The following ADAMTS10 variants were observed in gnomAD, a reference collection of about 807,000 sequenced individuals.
ADAMTS10 encodes the protein A disintegrin and metalloproteinase with thrombospondin motifs 10.
In ADAMTS10, 48 loss-of-function variants were observed where a neutral mutation model predicts 135.9. The ratio of observed to expected loss-of-function variants is 0.35; its 90% CI spans 0.28 to 0.45. The LOEUF is 0.45. ADAMTS10 is among the 20% of genes least tolerant of loss of function. The pLI, the probability that ADAMTS10 is intolerant of heterozygous loss-of-function variation, is 1.00. For missense variants in ADAMTS10, 1,131 were observed against 1,565.2 expected, an observed-to-expected ratio of 0.72 and a Z score of 4.68; for synonymous variants, 621 against 647.5, an observed-to-expected ratio of 0.96 and a Z score of 0.62.
At chr19:8,607,414 G>T (rs936061064) in intron 2 of ADAMTS10, among the ~76,000 whole-genome samples, 1 of 151,992 alleles carries the variant, frequency 6.6e-6, no homozygotes, top group Non-Finnish European at 1.5e-5. Context: ...AAGCCAGCCC[G>T]CCCCGCAGGT....
chr19:8,581,513 G>A (rs1457005491), intron 25 of ADAMTS10: 2 of 152,488 alleles, frequency 1.3e-5, no homozygotes, highest in Admixed American at 6.6e-5. Context: ...AACATAGTGA[G>A]AGCACTGCAT....
At chr19:8,606,713 A>C (rs1467971562) in intron 2 of ADAMTS10, among the ~76,000 whole-genome samples, 1 of 152,130 alleles carries the variant, frequency 6.6e-6, no homozygotes, top group Non-Finnish European at 1.5e-5. Context: ...CGTGGGTCAC[A>C]TTGCTAGAAA....
intron 6 of ADAMTS10, among the ~76,000 whole-genome samples, chr19:8,598,935 G>A (rs1485760497): frequency 2.0e-5 from 3 of 152,146 alleles, no homozygotes; most frequent in African/African-American, 7.2e-5. Flanking sequence ...GCACAACTGA[G>A]GGCCATCAGA....
intron 25 of ADAMTS10, among the ~76,000 whole-genome samples, chr19:8,582,090 C>T: frequency 6.6e-6 from 1 of 151,972 alleles, no homozygotes; most frequent in East Asian, 1.9e-4. Flanking sequence ...ACAAATATTC[C>T]CTTTCCTTTC....
intron 4 of ADAMTS10, 122 bp from the exon 5 acceptor site, chr19:8,604,006 T>TC: frequency 8.9e-7 from 1 of 1,119,302 alleles, no homozygotes; most frequent in Non-Finnish European, 1.2e-6. Context: ...TATTTCTTTT[T>TC]TTTTTTTTGG....
chr19:8,589,324 C>T lies in ADAMTS10; in HGVS notation c.2076G>A (p.Glu692=), dbSNP rs2042485768. Residue 692 remains glutamate (E), a synonymous_variant, in exon 18 of 26, where the codon GAG becomes GAA. Transcript: ENST00000597188. ...CDRVLGSDLR[E]DKCRVCGGDG... ...CACCGCCACACACTCGGCACTTGTC[C>T]TCCCGCAGGTCGGAGCCCAGGACTC... 2 of 1,612,488 alleles carry T rather than the reference C, an allele frequency of 1.2e-6. No individual in the cohort carries two copies. The highest frequency in any genetic ancestry group is 1.3e-5 in the African/African-American group (1 of 74,924).
rs1555740481 is a variant in ADAMTS10, at chr19:8,597,225, C to T, written c.894+9G>A. The T allele has an allele frequency of 6.2e-7, 1 of 1,614,026 alleles. No individual in the cohort carries two copies. ...AAGGGGAAGGGGAAGGGGAGGAAGT[C>T]CCCCGCACCTGGTCCTCCGTGAGCA... On this transcript the variant is annotated intron_variant, in intron 7 of 25. Transcript: ENST00000597188.
At position 8,580,814 on chromosome 19, in the gene ADAMTS10, C is replaced by T; in HGVS notation, c.*79G>A. The T allele has an allele frequency of 8.3e-7, 1 of 1,204,176 alleles. No individual in the cohort carries two copies. Among genetic ancestry groups the T allele is most frequent in the Non-Finnish European group, 1.2e-6 (1 of 847,012 alleles). 74.6% of individuals were successfully genotyped at this position (1,204,176 alleles called of 1,614,324 possible). A position where few individuals can be genotyped will look rare whatever the true frequency, so the allele number is the denominator to read the frequency against. On this transcript the variant is annotated 3_prime_UTR_variant, in exon 26 of 26. Transcript: ENST00000597188. The stretch of plus-strand genomic sequence containing the variant: ...CCTTCCCTCCCAGTTCCCGCCCCCC[C>T]GGGGCCCCCTCTGGCCGGCCCGCTG...
intron 6 of ADAMTS10, among the ~76,000 whole-genome samples, chr19:8,599,937 C>T (rs1025987228): frequency 5.9e-5 from 9 of 151,518 alleles, no homozygotes; most frequent in Non-Finnish European, 1.0e-4. Flanking sequence ...CTGGTTCAAG[C>T]GATTCTCCTG....
In ADAMTS10 at chr19:8,605,036, C is replaced by T. The variant is rs1051602758; in HGVS notation, c.411G>A (p.Val137=). The change falls in exon 4 of 26, where the codon GTG becomes GTA. Residue 137 remains valine, a synonymous_variant. Transcript: ENST00000597188. The surrounding 1 kb of genome is among the most constrained non-coding windows in gnomAD (Gnocchi z 7.7). ...HLQGQASSSH[V]AISTCGGLHG... is the part of the protein sequence containing the mutation. ...CCAGGCCTCCACAGGTGCTGATGGCCACATGGGAGCTGCTGGCCTGGCCCT... is the reference window on the plus strand; with the variant it reads ...CCAGGCCTCCACAGGTGCTGATGGCTACATGGGAGCTGCTGGCCTGGCCCT... 2 of 1,609,312 alleles carry T rather than the reference C, an allele frequency of 1.2e-6. No individual in the cohort carries two copies. Among genetic ancestry groups the T allele is most frequent in the South Asian group, 1.1e-5 (1 of 90,404 alleles).
intron 12 of ADAMTS10, among the ~76,000 whole-genome samples, chr19:8,594,175 A>G (rs1221040016): frequency 6.6e-6 from 1 of 152,200 alleles, no homozygotes; most frequent in Non-Finnish European, 1.5e-5. Context: ...ACAAGGAGGC[A>G]CTGTGGCATA....
chr19:8,591,867 G>C lies in ADAMTS10; in HGVS notation c.1734-4C>G, dbSNP rs782206235. On this transcript the variant is annotated splice_region_variant and splice_polypyrimidine_tract_variant and intron_variant, in intron 14 of 25. Coordinates refer to ENST00000597188, the MANE Select transcript of ADAMTS10 (RefSeq NM_030957.4). ...GTACTTGCCCCCGATGGTTGGCCTG[G>C]AAAGGGTGGTGGGATAGGAGAGGGA... 1 of 1,613,428 alleles carries C rather than the reference G, an allele frequency of 6.2e-7. No homozygotes were observed. Among genetic ancestry groups the C allele is most frequent in the Admixed American group, 1.7e-5 (1 of 60,006 alleles).
rs1555739056 is a variant in ADAMTS10, at chr19:8,591,945, C to A, written c.1733+13G>T. 1.4e-5 allele frequency: 23 copies of A among 1,612,386 alleles called. No homozygotes were observed. Among genetic ancestry groups the A allele is most frequent in the Non-Finnish European group, 1.9e-5 (23 of 1,179,698 alleles). On this transcript the variant is annotated intron_variant, in intron 14 of 25. Transcript: ENST00000597188. ...TCGCGCTGCCCTCCCGGGTGGGGGTCCTGAGGGCTGACCTGGGGCTGTCGC... is the reference window on the plus strand; with the variant it reads ...TCGCGCTGCCCTCCCGGGTGGGGGTACTGAGGGCTGACCTGGGGCTGTCGC...
intron 24 of ADAMTS10, 31 bp from the exon 25 acceptor site, chr19:8,585,085 C>T (rs1555736515): frequency 6.7e-7 from 1 of 1,502,166 alleles, no homozygotes; most frequent in South Asian, 1.2e-5. Context: ...GTTGCTGCCC[C>T]GCAGCCCCTG....
intron 15 of ADAMTS10, 51 bp downstream of exon 15, chr19:8,591,749 T>C (rs1555738940): frequency 6.2e-7 from 1 of 1,607,054 alleles, no homozygotes; most frequent in Non-Finnish European, 8.5e-7. Context: ...CTCTGATAGC[T>C]GTTTTTAATG....
chr19:8,597,192 C>T, intron 7 of ADAMTS10, 42 bp downstream of exon 7: 1 of 1,614,026 alleles, frequency 6.2e-7, no homozygotes, highest in Non-Finnish European at 8.5e-7. Flanking sequence ...GCAGGACATG[C>T]TGGTATGAAG....
intron 15 of ADAMTS10, among the ~76,000 whole-genome samples, chr19:8,591,436 GTTTTTGTTTTT>G (rs1279191834): frequency 7.3e-6 from 1 of 136,648 alleles, no homozygotes; most frequent in African/African-American, 2.7e-5. Flanking sequence ...CTCTGATAGC[GTTTTTGTTTTT>G]TTTTTTTTTT....
At chr19:8,589,022 C>T (rs2042479365) in intron 18 of ADAMTS10, among the ~76,000 whole-genome samples, 1 of 152,082 alleles carries the variant, frequency 6.6e-6, no homozygotes, top group Non-Finnish European at 1.5e-5. Flanking sequence ...AAACTCCTGG[C>T]CTCAAGTGAT....
intron 4 of ADAMTS10, 117 bp from the exon 5 acceptor site, chr19:8,604,001 C>CTTTT (rs36044688): frequency 9.7e-6 from 8 of 824,658 alleles, no homozygotes; most frequent in African/African-American, 3.7e-5. Flanking sequence ...TTTGCTATTT[C>CTTTT]TTTTTTTTTT....
Sources: gnomAD v4.1 joint callset for allele counts (sites outside exome capture counted in the v4.1 genomes callset) on GRCh38, gnomAD v4.1.1 for gene constraint, Gnocchi (gnomAD v3.1) non-coding constraint, MANE v1.5 for transcripts, NCBI Gene and HGNC (gene_info 2026-07-23, HGNC 2026-07-21) for gene names.